The following DNAJC1 variants were observed in gnomAD, a reference collection of about 807,000 sequenced individuals.
DNAJC1 encodes DnaJ heat shock protein family (Hsp40) member C1, also known as dnaJ homolog subfamily C member 1.
A neutral mutation model predicts 76.6 loss-of-function variants in DNAJC1; 58 were observed. The observed-to-expected ratio is 0.76, with a 90% CI of 0.61 to 0.94. DNAJC1 has a LOEUF of 0.94. Ranked by LOEUF, DNAJC1 falls within the 40% of genes least tolerant of loss-of-function variation. DNAJC1 has a pLI of 0.00. For missense variants in DNAJC1, 689 were observed against 677.3 expected, an observed-to-expected ratio of 1.02 and a Z score of -0.19; for synonymous variants, 258 against 267.9, an observed-to-expected ratio of 0.96 and a Z score of 0.36.
rs147609214 is a variant in DNAJC1 at position 21,797,839 on chromosome 10, G to A, written c.1098+8141C>T. Among the ~76,000 whole-genome samples, 21 of 152,222 alleles carry A rather than the reference G, an allele frequency of 1.4e-4. No homozygotes were observed. In the East Asian group the frequency reaches 3.9e-3, roughly 28 times the overall value. ...CCTTGACTTCTCAGCCTCCAGAATT[G>A]TAAGAAATACATCTTAGTTCTTCAT... On this transcript the variant is annotated intron_variant, in intron 9 of 11. Transcript: ENST00000376980.
At chr10:21,760,222 G>A (rs1183757332) in intron 10 of DNAJC1, among the ~76,000 whole-genome samples, 4 of 152,206 alleles carry the variant, frequency 2.6e-5, no homozygotes, top group Non-Finnish European at 5.9e-5. Flanking sequence ...GTTTGAGGCT[G>A]CAGTCAGCTA....
At chr10:21,811,561 T>C (rs1285054140) in intron 8 of DNAJC1, among the ~76,000 whole-genome samples, 1 of 152,212 alleles carries the variant, frequency 6.6e-6, no homozygotes, top group African/African-American at 2.4e-5. Flanking sequence ...TATTTGGATT[T>C]TGCCAAAATT....
chr10:21,991,045 T>C (rs528149459), intron 1 of DNAJC1, among the ~76,000 whole-genome samples: 1 of 152,246 alleles, frequency 6.6e-6, no homozygotes, highest in South Asian at 2.1e-4. Flanking sequence ...AGCCAACAGA[T>C]TGGCACACAA....
At position 21,920,506 on chromosome 10, in the gene DNAJC1, T is replaced by A. The variant is rs529809624; in HGVS notation, c.537+292A>T. 39 of 214,832 alleles carry A rather than the reference T, an allele frequency of 1.8e-4. No homozygotes were observed. In the South Asian group the frequency reaches 7.1e-3, roughly 39 times the overall value. 13.3% of individuals were successfully genotyped at this position (214,832 alleles called of 1,614,324 possible). A position where few individuals can be genotyped will look rare whatever the true frequency, so the allele number is the denominator to read the frequency against. ...ATCAGTCTTAAATAAAAAATATTTC[T>A]ATTTGGAAGGTGATAATGAAAACAT... is the stretch of plus-strand genomic sequence containing the variant. On this transcript the variant is annotated intron_variant, in intron 4 of 11. Transcript: ENST00000376980.
chr10:21,842,606 A>G (rs1564805384), intron 8 of DNAJC1, among the ~76,000 whole-genome samples: 1 of 152,232 alleles, frequency 6.6e-6, no homozygotes, highest in Non-Finnish European at 1.5e-5. Flanking sequence ...TATAAAGAAT[A>G]GGCAAGAGGT....
At chr10:21,983,926 T>G (rs976268874) in intron 1 of DNAJC1, among the ~76,000 whole-genome samples, 1 of 152,058 alleles carries the variant, frequency 6.6e-6, no homozygotes. Flanking sequence ...AAATGGTAAA[T>G]TTTACATTAT....
rs1003210634 is a variant in DNAJC1 at position 21,869,465 on chromosome 10, T to A, written c.978+12817A>T. The stretch of plus-strand genomic sequence containing the variant: ...TGACATTCTGAGCTAAACCAATGTA[T>A]ACCTTATACGTATTGATTTATACCT... On this transcript the variant is annotated intron_variant, in intron 8 of 11. Transcript: ENST00000376980. Among the ~76,000 whole-genome samples the A allele has an allele frequency of 9.9e-5, 15 of 152,218 alleles. No homozygotes were observed. In the East Asian group the frequency reaches 2.9e-3, roughly 29 times the overall value.
At chr10:21,989,908 T>C (rs2131845913) in intron 1 of DNAJC1, among the ~76,000 whole-genome samples, 1 of 152,358 alleles carries the variant, frequency 6.6e-6, no homozygotes, top group Non-Finnish European at 1.5e-5. Flanking sequence ...AAGATGGGCC[T>C]GAAAATTAAA....
At chr10:21,984,150 G>C (rs1191641095) in intron 1 of DNAJC1, among the ~76,000 whole-genome samples, 1 of 151,960 alleles carries the variant, frequency 6.6e-6, no homozygotes. Context: ...CTTTTTCTTT[G>C]CTTTTACATA....
intron 10 of DNAJC1, among the ~76,000 whole-genome samples, chr10:21,765,697 C>T (rs1345218766): frequency 3.3e-5 from 5 of 152,124 alleles, no homozygotes; most frequent in Non-Finnish European, 7.4e-5. Context: ...ATACAAAAAT[C>T]TGTCAGGTGC....
chr10:21,926,373 A>C (rs1430533741), intron 3 of DNAJC1, among the ~76,000 whole-genome samples: 1 of 152,084 alleles, frequency 6.6e-6, no homozygotes. Flanking sequence ...GAGAAAACAC[A>C]ATTATATAAA....
intron 3 of DNAJC1, 98 bp from the exon 4 acceptor site, chr10:21,921,061 T>A: frequency 9.5e-7 from 1 of 1,053,278 alleles, no homozygotes; most frequent in Non-Finnish European, 1.3e-6. Context: ...GAAAACAAAT[T>A]ATCCAAAATA....
intron 8 of DNAJC1, among the ~76,000 whole-genome samples, chr10:21,827,204 T>C (rs1024090580): frequency 3.3e-5 from 5 of 152,230 alleles, no homozygotes; most frequent in Admixed American, 6.5e-5. Context: ...GTCCAGTTAC[T>C]ACCACTTGCT....
At chr10:21,954,216 AT>A (rs1236873470) in intron 1 of DNAJC1, among the ~76,000 whole-genome samples, 9 of 152,334 alleles carry the variant, frequency 5.9e-5, no homozygotes, top group African/African-American at 2.2e-4. Flanking sequence ...AAAAGAGGAA[AT>A]AAAATTATGA....
At chr10:21,844,499 A>G (rs528961524) in intron 8 of DNAJC1, among the ~76,000 whole-genome samples, 1 of 152,352 alleles carries the variant, frequency 6.6e-6, no homozygotes, top group East Asian at 1.9e-4. Context: ...TACATAGAGA[A>G]TAATGGCAAG....
intron 7 of DNAJC1, among the ~76,000 whole-genome samples, chr10:21,893,624 T>TA (rs1250217924): frequency 6.6e-6 from 1 of 150,858 alleles, no homozygotes; most frequent in Non-Finnish European, 1.5e-5. Context: ...GAGACTCAGT[T>TA]AAAAAAAATA....
intron 11 of DNAJC1, among the ~76,000 whole-genome samples, chr10:21,757,775 A>T (rs1834193414): frequency 1.3e-5 from 2 of 152,220 alleles, no homozygotes; most frequent in South Asian, 2.1e-4. Context: ...CCGGGACAGC[A>T]GGAAGCTCAG....
intron 6 of DNAJC1, among the ~76,000 whole-genome samples, chr10:21,911,045 AAG>A (rs1427891636): frequency 3.4e-4 from 3 of 8,952 alleles, no homozygotes; most frequent in African/African-American, 2.4e-3. Flanking sequence ...GAGAGAAAGG[AAG>A]GAAGGAAGGA....
intron 8 of DNAJC1, among the ~76,000 whole-genome samples, chr10:21,815,742 G>C (rs1489041135): frequency 6.6e-6 from 1 of 151,770 alleles, no homozygotes; most frequent in East Asian, 1.9e-4. Context: ...CAGAGGTCAA[G>C]GTTCATTTTC....
Sources: allele counts gnomAD v4.1 joint callset (sites outside exome capture counted in the v4.1 genomes callset), GRCh38; gene constraint gnomAD v4.1.1; transcripts MANE v1.5; gene names NCBI Gene and HGNC (gene_info 2026-07-23, HGNC 2026-07-21).